Variants in VGLL1 observed in about 807,000 individuals in gnomAD.
VGLL1 encodes the protein transcription cofactor vestigial-like protein 1.
VGLL1 carries 4 observed loss-of-function variants against 12.0 expected under a neutral mutation model. The ratio of observed to expected loss-of-function variants is 0.33; its 90% CI spans 0.16 to 0.76. The LOEUF (loss-of-function observed/expected upper bound fraction) is 0.76, where lower values mean the gene tolerates loss of function less well. Among genes scored for constraint, VGLL1 ranks in the 30% least tolerant of loss-of-function variants. The pLI, the probability that VGLL1 is intolerant of heterozygous loss-of-function variation, is 0.60. For synonymous variants in VGLL1, 87 were observed against 81.2 expected (o/e 1.07, Z -0.39); for missense variants, 204 against 208.7 (o/e 0.98, Z 0.14).
Position 136,546,778 on chromosome X carries a change from T to G in VGLL1, c.215-1811T>G, listed in dbSNP as rs539437813. On this transcript the variant is annotated intron_variant, in intron 2 of 4. Transcript: ENST00000370634. ...CTCATTCAATATGAAACACAGACTG[T>G]GATTACACCAAATTAGCTTAATCAC... is the stretch of plus-strand genomic sequence containing the variant. Among the ~76,000 whole-genome samples the G allele has an allele frequency of 7.1e-5, 8 of 112,731 alleles. No homozygotes were observed. The South Asian group carries it at 2.9e-3, about 41-fold the overall frequency.
At chrX:136,550,292 A>G (rs1306428033) in intron 3 of VGLL1, 1 of 115,734 alleles carries the variant, frequency 8.6e-6, no homozygotes, top group Non-Finnish European at 1.8e-5. Flanking sequence ...CTGTTTCGAC[A>G]GTAGGTTAGA....
intron 2 of VGLL1, among the ~76,000 whole-genome samples, chrX:136,547,641 T>A (rs1244462857): frequency 8.9e-6 from 1 of 111,906 alleles, no homozygotes; most frequent in Non-Finnish European, 1.9e-5. Flanking sequence ...GTTGTGTGAG[T>A]GACCAGCACA....
At chrX:136,536,644 T>G (rs2075840675) in intron 2 of VGLL1, among the ~76,000 whole-genome samples, 1 of 112,141 alleles carries the variant, frequency 8.9e-6, no homozygotes. Context: ...CAGATTCTCC[T>G]ACCGTTCTTT....
At position 136,556,633 on chromosome X, in the gene VGLL1, C is replaced by G. The variant is rs1438733105; in HGVS notation, c.*94C>G. On this transcript the variant is annotated 3_prime_UTR_variant, in exon 5 of 5. Transcript: ENST00000370634. ...AGATAAAAATGAAAGCTGCTCACAC[C>G]CACTTGCCTCCCCAATCTGTTAAAC... The G allele has an allele frequency of 3.8e-6, 3 of 785,879 alleles. No individual in the cohort carries two copies. In the African/African-American group the frequency reaches 6.2e-5, roughly 16 times the overall value. The allele number at this position is 785,879 out of a possible 1,213,427, so 64.8% of individuals were successfully genotyped here.
rs183685445 is a variant in VGLL1, at chrX:136,551,305, A to G, written c.688+484A>G. Among the ~76,000 whole-genome samples the G allele has an allele frequency of 2.3e-4, 25 of 111,052 alleles. 1 individual carries two copies. The highest frequency in any genetic ancestry group is 7.5e-4 in the African/African-American group (23 of 30,556). On this transcript the variant is annotated intron_variant, in intron 4 of 4. Transcript: ENST00000370634. ...CAGAAAAATTAAGAAATTCATGAGG[A>G]TGAGGATTAGCTTGCTGTGTCCCAG...
At chrX:136,549,245 C>T in intron 3 of VGLL1, among the ~76,000 whole-genome samples, 1 of 112,058 alleles carries the variant, frequency 8.9e-6, no homozygotes, top group East Asian at 2.8e-4. Flanking sequence ...GCCCGAAGTA[C>T]TCACCCTAGC....
At chrX:136,550,702 A>T in intron 3 of VGLL1, 66 bp from the exon 4 acceptor site, 2 of 954,203 alleles carry the variant, frequency 2.1e-6, no homozygotes, top group Non-Finnish European at 3.0e-6. Context: ...CTGGAATGCT[A>T]CTGGGCACTC....
At chrX:136,552,843 T>G (rs780729949) in intron 4 of VGLL1, among the ~76,000 whole-genome samples, 2 of 111,874 alleles carry the variant, frequency 1.8e-5, no homozygotes, top group Non-Finnish European at 3.8e-5. Flanking sequence ...TGAAAATTAG[T>G]CACTGGTGAG....
chrX:136,551,417 T>G (rs1270492155), intron 4 of VGLL1, among the ~76,000 whole-genome samples: 1 of 111,652 alleles, frequency 9.0e-6, no homozygotes, highest in Non-Finnish European at 1.9e-5. Context: ...GCCAGGACTC[T>G]GAGCTCCACA....
intron 2 of VGLL1, among the ~76,000 whole-genome samples, chrX:136,547,808 G>A (rs1486560317): frequency 9.0e-6 from 1 of 111,648 alleles, no homozygotes; most frequent in Non-Finnish European, 1.9e-5. Context: ...GGTTGGATCC[G>A]GGAGCAAAGG....
chrX:136,533,324 C>T (rs374262458), intron 1 of VGLL1, among the ~76,000 whole-genome samples: 6 of 110,976 alleles, frequency 5.4e-5, no homozygotes, highest in African/African-American at 1.3e-4. Context: ...CAATTGCCCA[C>T]GGACTGAGCT....
chrX:136,535,747 C>G lies in VGLL1; in HGVS notation c.-25-249C>G, dbSNP rs180686409. 2.7e-5 allele frequency among the ~76,000 whole-genome samples: 3 copies of G among 111,694 alleles called. No individual in the cohort carries two copies. The East Asian group carries it at 8.5e-4, about 32-fold the overall frequency. On this transcript the variant is annotated intron_variant, in intron 1 of 4. Coordinates refer to ENST00000370634, the MANE Select transcript of VGLL1 (RefSeq NM_016267.4). ...TCTAGTCAGGTTGCCTGATCATTCT[C>G]ATTTGTAAGAGAAGGCCCCTTCTCA...
At chrX:136,534,798 C>A (rs145519664) in intron 1 of VGLL1, among the ~76,000 whole-genome samples, 85 of 111,845 alleles carry the variant, frequency 7.6e-4, no homozygotes, top group African/African-American at 2.8e-3. Context: ...TGAGCTAGTA[C>A]CTGGTTACGC....
intron 4 of VGLL1, among the ~76,000 whole-genome samples, chrX:136,555,916 T>A (rs1343862061): frequency 1.8e-5 from 2 of 111,110 alleles, no homozygotes; most frequent in East Asian, 5.7e-4. Flanking sequence ...TCATCAGTGA[T>A]GTTAGCTTAG....
At chrX:136,542,211 T>TA (rs1569361002) in intron 2 of VGLL1, among the ~76,000 whole-genome samples, 13 of 109,678 alleles carry the variant, frequency 1.2e-4, no homozygotes, top group African/African-American at 4.3e-4. Flanking sequence ...CTGGCTTTTT[T>TA]TAAAAAAAAA....
rs1428956709 is a variant in VGLL1 at position 136,550,627 on chromosome X, G to A, written c.635-141G>A. The A allele has an allele frequency of 1.2e-5, 5 of 430,514 alleles. No homozygotes were observed. The Admixed American group carries it at 1.8e-4, about 16-fold the overall frequency. 35.5% of individuals were successfully genotyped at this position (430,514 alleles called of 1,213,427 possible). On this transcript the variant is annotated intron_variant, in intron 3 of 4. Transcript: ENST00000370634. The stretch of plus-strand genomic sequence containing the variant: ...TTAAAACAGAAGCTTCTCAGTTTTT[G>A]TAGCATCTGATATGAGAGAATATGC...
intron 2 of VGLL1, among the ~76,000 whole-genome samples, chrX:136,543,070 C>T (rs372971364): frequency 2.8e-4 from 31 of 111,534 alleles, no homozygotes; most frequent in Middle Eastern, 4.6e-3. Context: ...TAGTATTTGC[C>T]GGCAGATGGA....
At chrX:136,540,312 C>A (rs1333864652) in intron 2 of VGLL1, among the ~76,000 whole-genome samples, 1 of 111,440 alleles carries the variant, frequency 9.0e-6, no homozygotes, top group Non-Finnish European at 1.9e-5. Context: ...CATATCTTAC[C>A]ACTTTCTGCC....
chrX:136,534,988 C>T (rs2075835458), intron 1 of VGLL1, among the ~76,000 whole-genome samples: 1 of 111,830 alleles, frequency 8.9e-6, no homozygotes, highest in Non-Finnish European at 1.9e-5. Context: ...TAGGTCAAAC[C>T]CATCTTTAGC....
Sources: gnomAD v4.1 joint callset for allele counts (sites outside exome capture counted in the v4.1 genomes callset) on GRCh38, gnomAD v4.1.1 for gene constraint, MANE v1.5 for transcripts, NCBI Gene and HGNC (gene_info 2026-07-23, HGNC 2026-07-21) for gene names.